RFC3: variants seen among roughly 807,000 people sequenced by gnomAD.
RFC3 encodes replication factor C subunit 3.
RFC3 carries 41 observed loss-of-function variants against 45.1 expected under a neutral mutation model. That is an observed-to-expected ratio of 0.91 (90% CI 0.71 to 1.18). The LOEUF is 1.18. RFC3 is among the 50% of genes most tolerant of loss of function. RFC3 has a pLI of 0.00. For missense variants in RFC3, 423 were observed against 428.1 expected (o/e 0.99, Z 0.10); for synonymous variants, 149 against 144.0 (o/e 1.03, Z -0.25).
chr13:33,868,651 T>G (rs2082388767), intron 8 of RFC3, among the ~76,000 whole-genome samples: 1 of 152,202 alleles, frequency 6.6e-6, no homozygotes, highest in Non-Finnish European at 1.5e-5. Flanking sequence ...CTAAAGGATA[T>G]TTAAACCCCA....
rs183665735 is a variant in RFC3 at position 33,881,335 on chromosome 13, A to T, written c.879+46118A>T. On this transcript the variant is annotated intron_variant, in intron 8 of 8. Transcript: ENST00000434425. ...TAGGGCATGAGAATATTCATTCGTT[A>T]GTTCAGCAAACATCATTGGCGCTCT... Among the ~76,000 whole-genome samples the T allele has an allele frequency of 1.4e-4, 22 of 152,324 alleles. No individual in the cohort carries two copies. The East Asian group carries it at 4.2e-3, about 29-fold the overall frequency.
chr13:33,895,323 G>T (rs2082590660), intron 8 of RFC3, among the ~76,000 whole-genome samples: 1 of 152,108 alleles, frequency 6.6e-6, no homozygotes, highest in African/African-American at 2.4e-5. Flanking sequence ...TCAAAAAGTG[G>T]TCAGAGTACA....
chr13:33,899,224 A>AAAAAAAAAAAAAAT (rs1288671163), intron 8 of RFC3, among the ~76,000 whole-genome samples: 4 of 148,238 alleles, frequency 2.7e-5, no homozygotes, highest in Admixed American at 6.7e-5. Flanking sequence ...AAAAAAAAAA[A>AAAAAAAAAAAAAAT]AAAAAGAACA....
At chr13:33,904,195 A>T (rs2082658503) in intron 8 of RFC3, among the ~76,000 whole-genome samples, 1 of 152,074 alleles carries the variant, frequency 6.6e-6, no homozygotes, top group Non-Finnish European at 1.5e-5. Flanking sequence ...ATTTCCTGGC[A>T]TGTGGTAGAC....
intron 8 of RFC3, among the ~76,000 whole-genome samples, chr13:33,909,398 G>A (rs1017443828): frequency 6.6e-6 from 1 of 151,946 alleles, no homozygotes; most frequent in East Asian, 1.9e-4. Flanking sequence ...GCCAAGGAAG[G>A]CATTACCTGA....
intron 8 of RFC3, among the ~76,000 whole-genome samples, chr13:33,890,289 A>G (rs980009062): frequency 3.9e-5 from 6 of 152,152 alleles, no homozygotes; most frequent in African/African-American, 9.7e-5. Flanking sequence ...AGCCTACACC[A>G]ATTTTCCATT....
At chr13:33,897,957 C>G (rs2082612463) in intron 8 of RFC3, among the ~76,000 whole-genome samples, 1 of 151,386 alleles carries the variant, frequency 6.6e-6, no homozygotes, top group African/African-American at 2.4e-5. Flanking sequence ...TCTTATGTAC[C>G]CCATAAATAT....
At chr13:33,818,998 C>T (rs1369787664) in intron 1 of RFC3, among the ~76,000 whole-genome samples, 2 of 146,504 alleles carry the variant, frequency 1.4e-5, no homozygotes, top group African/African-American at 2.5e-5. Flanking sequence ...TCAAGCGATT[C>T]TCCTGCCTCA....
At chr13:33,925,710 T>C (rs946194920) in intron 8 of RFC3, among the ~76,000 whole-genome samples, 18 of 141,124 alleles carry the variant, frequency 1.3e-4, no homozygotes, top group African/African-American at 3.1e-4. Context: ...CACACACACA[T>C]ATACATATAT....
intron 8 of RFC3, among the ~76,000 whole-genome samples, chr13:33,957,823 T>A (rs1259685253): frequency 6.6e-6 from 1 of 152,098 alleles, no homozygotes; most frequent in African/African-American, 2.4e-5. Flanking sequence ...CTTTCTCCAG[T>A]CTTGCCAGTC....
intron 8 of RFC3, among the ~76,000 whole-genome samples, chr13:33,882,413 TG>T (rs1046818554): frequency 3.0e-4 from 45 of 152,346 alleles, no homozygotes; most frequent in African/African-American, 1.1e-3. Context: ...ATGCATCTGT[TG>T]AAGCCCTAAT....
chr13:33,940,061 T>A (rs1463119219), intron 8 of RFC3, among the ~76,000 whole-genome samples: 2 of 152,196 alleles, frequency 1.3e-5, no homozygotes, highest in African/African-American at 4.8e-5. Context: ...CTGGATTTTA[T>A]TCCATTAATT....
intron 8 of RFC3, among the ~76,000 whole-genome samples, chr13:33,947,583 A>C (rs1363747471): frequency 6.6e-6 from 1 of 152,208 alleles, no homozygotes; most frequent in Non-Finnish European, 1.5e-5. Context: ...GCTCAGAAGA[A>C]GACAGGAAAA....
At chr13:33,934,836 C>T (rs1392602933) in intron 8 of RFC3, among the ~76,000 whole-genome samples, 1 of 152,108 alleles carries the variant, frequency 6.6e-6, no homozygotes, top group East Asian at 1.9e-4. Flanking sequence ...AGCGTCTCTT[C>T]TGAGCCTGGG....
intron 8 of RFC3, among the ~76,000 whole-genome samples, chr13:33,904,966 G>T (rs1029685596): frequency 6.6e-6 from 1 of 152,086 alleles, no homozygotes; most frequent in African/African-American, 2.4e-5. Flanking sequence ...AAAAACAATG[G>T]AATGATAAAT....
At chr13:33,821,057 A>T in intron 1 of RFC3, 75 bp from the exon 2 acceptor site, 1 of 1,426,116 alleles carries the variant, frequency 7.0e-7, no homozygotes, top group Non-Finnish European at 9.6e-7. Context: ...AATATTTGTT[A>T]CTTAAAAAGT....
At chr13:33,865,261 T>A (rs2137547643) in intron 8 of RFC3, among the ~76,000 whole-genome samples, 1 of 152,298 alleles carries the variant, frequency 6.6e-6, no homozygotes, top group East Asian at 1.9e-4. Context: ...ATTTCTATAA[T>A]GATTGTGGAA....
At chr13:33,923,007 A>G (rs1353215628) in intron 8 of RFC3, among the ~76,000 whole-genome samples, 1 of 152,074 alleles carries the variant, frequency 6.6e-6, no homozygotes, top group Non-Finnish European at 1.5e-5. Context: ...CAGGGAATTG[A>G]TAAAAGGGAC....
At chr13:33,961,067 A>C (rs1365416652) in intron 8 of RFC3, among the ~76,000 whole-genome samples, 1 of 152,224 alleles carries the variant, frequency 6.6e-6, no homozygotes, top group Non-Finnish European at 1.5e-5. Context: ...TCCAAATATT[A>C]AATGGGAGGT....
Sources: allele counts gnomAD v4.1 joint callset (sites outside exome capture counted in the v4.1 genomes callset), GRCh38; gene constraint gnomAD v4.1.1; transcripts MANE v1.5; gene names NCBI Gene and HGNC (gene_info 2026-07-23, HGNC 2026-07-21).